The following HAS3 variants were observed in gnomAD, a reference collection of about 807,000 sequenced individuals.
HAS3 encodes the protein HA synthase 3.
HAS3 carries 27 observed loss-of-function variants against 50.3 expected under a neutral mutation model. That is an observed-to-expected ratio of 0.54 (90% CI 0.40 to 0.74). HAS3 has a LOEUF of 0.74. HAS3 is among the 30% of genes least tolerant of loss of function. The probability of loss-of-function intolerance (pLI) is 0.00; values close to 1 mark genes in which losing one functional copy is unlikely to be tolerated. For missense variants in HAS3, 517 were observed against 742.8 expected (o/e 0.70, Z 3.53); for synonymous variants, 339 against 310.9 (o/e 1.09, Z -0.95).
chr16:69,094,565 TAGAC>T, the HAS3 span, among the ~76,000 whole-genome samples: 1 of 152,180 alleles, frequency 6.6e-6, no homozygotes, highest in African/African-American at 2.4e-5. Flanking sequence ...GGCGGTGTGA[TAGAC>T]AGAGTAATGG....
At chr16:69,091,405 A>G in the HAS3 span, among the ~76,000 whole-genome samples, 2 of 152,164 alleles carry the variant, frequency 1.3e-5, no homozygotes, top group Non-Finnish European at 2.9e-5. Context: ...TTGCATACCG[A>G]AACGTTTCTA....
chr16:69,087,804 G>A, the HAS3 span, among the ~76,000 whole-genome samples: 5 of 147,840 alleles, frequency 3.4e-5, no homozygotes, highest in East Asian at 8.1e-4. Flanking sequence ...CCAGGTTCAA[G>A]CAATTCTCCT....
At chr16:69,113,593 T>C in intron 3 of HAS3, 51 bp downstream of exon 3, 1 of 1,077,230 alleles carries the variant, frequency 9.3e-7, no homozygotes, top group Non-Finnish European at 1.4e-6. Context: ...CTCTTTTTCC[T>C]AATCCAATTG....
At chr16:69,102,080 G>A (rs536449212), upstream of HAS3, among the ~76,000 whole-genome samples, 4 of 152,258 alleles carry the variant, frequency 2.6e-5, no homozygotes, top group East Asian at 5.8e-4. Context: ...CACTGTGCCC[G>A]GCCTATACTT....
Position 69,114,915 on chromosome 16 carries a change from C to G in HAS3, c.1311C>G (p.Ile437Met). The change falls in exon 4 of 4, where the codon ATC becomes ATG. Residue 437 changes from isoleucine (I) to methionine (M), a missense_variant. Coordinates refer to ENST00000569188, the MANE Select transcript of HAS3 (RefSeq NM_001199280.2). This position sits in a 1 kb window ranked among gnomAD's most constrained non-coding sequence, Gnocchi z 6.4. ...ACFLRGNAEM[I>M]FMSLYSLLYM... The stretch of plus-strand genomic sequence containing the variant: ...TCCTTCGGGGCAATGCAGAGATGAT[C>G]TTCATGTCCCTCTACTCCCTCCTCT... The G allele has an allele frequency of 1.2e-6, 2 of 1,614,158 alleles. No individual in the cohort carries two copies. The highest frequency in any genetic ancestry group is 1.7e-6 in the Non-Finnish European group (2 of 1,180,040).
At chr16:69,091,634 T>C in the HAS3 span, among the ~76,000 whole-genome samples, 1 of 152,180 alleles carries the variant, frequency 6.6e-6, no homozygotes, top group Non-Finnish European at 1.5e-5. Flanking sequence ...GCTGGAGTTT[T>C]CTGTGTACCA....
upstream of HAS3, among the ~76,000 whole-genome samples, chr16:69,105,222 A>T (rs970391504): frequency 6.6e-6 from 1 of 151,726 alleles, no homozygotes; most frequent in Non-Finnish European, 1.5e-5. Context: ...CTCATTTTTT[A>T]AAAACTAGTT....
chr16:69,117,620 C>A lies in HAS3; in HGVS notation c.*2354C>A, dbSNP rs1259138551. The A allele has an allele frequency of 8.2e-6, 7 of 855,534 alleles. No individual in the cohort carries two copies. The highest frequency in any genetic ancestry group is 6.0e-4 in the Middle Eastern group (1 of 1,676). 53.0% of individuals were successfully genotyped at this position (855,534 alleles called of 1,614,324 possible). On this transcript the variant is annotated 3_prime_UTR_variant, in exon 4 of 4. Coordinates refer to ENST00000569188, the MANE Select transcript of HAS3 (RefSeq NM_001199280.2). Reference sequence around the variant, plus strand: ...TTTTCAGGTCAAGTTTTTTATACTGCACTTATTTGTCAAAATAAAGATTCT... The same window carrying A: ...TTTTCAGGTCAAGTTTTTTATACTGAACTTATTTGTCAAAATAAAGATTCT...
rs1426260868 is a variant in HAS3, at chr16:69,115,112, A to C, written c.1508A>C (p.Asp503Ala). The C allele has an allele frequency of 6.2e-7, 1 of 1,611,996 alleles. No individual in the cohort carries two copies. The highest frequency in any genetic ancestry group is 1.1e-5 in the South Asian group (1 of 90,772). Residue 503 changes from aspartate (D) to alanine (A), a missense_variant, in exon 4 of 4, where the codon GAC becomes GCC. Physicochemically the swap from Asp to Ala is moderately radical, Grantham distance 126. Transcript: ENST00000569188. Reference sequence around the variant, plus strand: ...CTGGCCTACACAGCTTATTGCCAGGACCTGTTCAGTGAGACAGAGCTAGCC... The same window carrying C: ...CTGGCCTACACAGCTTATTGCCAGGCCCTGTTCAGTGAGACAGAGCTAGCC... Reference protein sequence around the residue: ...GGLAYTAYCQDLFSETELAFL... With the variant: ...GGLAYTAYCQALFSETELAFL...
chr16:69,106,459 G>A lies in HAS3; in HGVS notation c.-1+672G>A, dbSNP rs527569820. 1.3e-5 allele frequency: 2 copies of A among 150,686 alleles called. No individual in the cohort carries two copies. The highest frequency in any genetic ancestry group is 3.0e-5 in the Non-Finnish European group (2 of 67,520). 9.3% of individuals were successfully genotyped at this position (150,686 alleles called of 1,614,324 possible). A position where few individuals can be genotyped will look rare whatever the true frequency, so the allele number is the denominator to read the frequency against. ...CAGCCCTGCGGGCGCCGCGTCCGGC[G>A]CGGGGAGGCGGGTTGGGGGCGGCGG... On this transcript the variant is annotated intron_variant, in intron 1 of 3. Coordinates refer to ENST00000569188, the MANE Select transcript of HAS3 (RefSeq NM_001199280.2). This position sits in a 1 kb window ranked among gnomAD's most constrained non-coding sequence, Gnocchi z 5.5.
downstream of HAS3, chr16:69,118,520 G>C (rs766219774): frequency 3.0e-6 from 3 of 994,304 alleles, no homozygotes; most frequent in Non-Finnish European, 4.9e-6. Flanking sequence ...GCAGGCCAAT[G>C]TATCCCTGAG....
At chr16:69,094,121 C>T in the HAS3 span, among the ~76,000 whole-genome samples, 1 of 152,204 alleles carries the variant, frequency 6.6e-6, no homozygotes, top group African/African-American at 2.4e-5. Flanking sequence ...ACAGGAGCAC[C>T]TCTTCTGGGG....
chr16:69,086,104 G>A, the HAS3 span, among the ~76,000 whole-genome samples: 2 of 151,962 alleles, frequency 1.3e-5, no homozygotes, highest in Non-Finnish European at 2.9e-5. Flanking sequence ...CTAGGCTCAA[G>A]CAATCCTCCT....
chr16:69,115,144 G>A lies in HAS3; in HGVS notation c.1540G>A (p.Val514Ile). ...LFSETELAFL[V>I]SGAILYGCYW... is the part of the protein sequence containing the mutation. Reference sequence around the variant, plus strand: ...CAGTGAGACAGAGCTAGCCTTCCTTGTCTCTGGGGCTATACTGTATGGCTG... The same window carrying A: ...CAGTGAGACAGAGCTAGCCTTCCTTATCTCTGGGGCTATACTGTATGGCTG... Residue 514 changes from valine to isoleucine, a missense_variant, in exon 4 of 4, where the codon GTC becomes ATC. Coordinates refer to ENST00000569188, the MANE Select transcript of HAS3 (RefSeq NM_001199280.2). The A allele has an allele frequency of 6.2e-7, 1 of 1,609,784 alleles. No individual in the cohort carries two copies. Among genetic ancestry groups the A allele is most frequent in the Non-Finnish European group, 8.5e-7 (1 of 1,177,624 alleles).
upstream of HAS3, among the ~76,000 whole-genome samples, chr16:69,102,467 C>G (rs149332084): frequency 2.0e-3 from 310 of 152,336 alleles, 2 homozygotes; most frequent in Admixed American, 3.5e-3. Context: ...ACACCACAAA[C>G]TGGATGCTAA....
At chr16:69,099,575 C>T in the HAS3 span, among the ~76,000 whole-genome samples, 4 of 151,958 alleles carry the variant, frequency 2.6e-5, no homozygotes, top group Non-Finnish European at 5.9e-5. Context: ...ATCCACCCAC[C>T]TCAGCCTCCC....
upstream of HAS3, among the ~76,000 whole-genome samples, chr16:69,103,002 C>CGT (rs1555531811): frequency 7.6e-4 from 88 of 115,170 alleles, no homozygotes; most frequent in African/African-American, 2.6e-3. Flanking sequence ...GTGGAGTGTG[C>CGT]ATGTGTGTGT....
At chr16:69,102,702 G>C (rs148045553), upstream of HAS3, among the ~76,000 whole-genome samples, 87 of 152,326 alleles carry the variant, frequency 5.7e-4, no homozygotes, top group Middle Eastern at 3.4e-3. Context: ...TCATGGACTC[G>C]TGAGGTTGTG....
chr16:69,110,532 C>CTCA (rs1960965923), intron 2 of HAS3, among the ~76,000 whole-genome samples: 2 of 152,196 alleles, frequency 1.3e-5, no homozygotes. Context: ...GTCCTCCCAC[C>CTCA]TCATCCTCCC....
Sources: gnomAD v4.1 joint callset for allele counts (sites outside exome capture counted in the v4.1 genomes callset) on GRCh38, gnomAD v4.1.1 for gene constraint, Gnocchi (gnomAD v3.1) non-coding constraint, MANE v1.5 for transcripts, NCBI Gene and HGNC (gene_info 2026-07-23, HGNC 2026-07-21) for gene names.